The following THAP4 variants were observed in gnomAD, a reference collection of about 807,000 sequenced individuals.
THAP4 encodes THAP domain containing 4.
Under a neutral mutation model 48.1 loss-of-function variants are expected in THAP4, and 18 were observed. That is an observed-to-expected ratio of 0.37 (90% CI 0.26 to 0.56). THAP4 has a LOEUF of 0.56. Ranked by LOEUF, THAP4 falls within the 20% of genes least tolerant of loss-of-function variation. The pLI is 0.78. For missense variants in THAP4, 656 were observed against 774.9 expected (o/e 0.85, Z 1.82); for synonymous variants, 345 against 324.9 (o/e 1.06, Z -0.66).
chr2:241,589,702 A>AC (rs2066934207), intron 5 of THAP4, among the ~76,000 whole-genome samples: 1 of 151,898 alleles, frequency 6.6e-6, no homozygotes, highest in South Asian at 2.1e-4. Flanking sequence ...GAGGAAAAAA[A>AC]ACATGTGTCC....
At chr2:241,593,560 G>A (rs934248497) in intron 5 of THAP4, among the ~76,000 whole-genome samples, 7 of 146,730 alleles carry the variant, frequency 4.8e-5, no homozygotes, top group East Asian at 1.9e-4. Flanking sequence ...GGGGACAGGC[G>A]AACAGCCTGC....
At chr2:241,584,792 G>C in intron 5 of THAP4, 67 bp from the exon 6 acceptor site, 1 of 1,585,652 alleles carries the variant, frequency 6.3e-7, no homozygotes, top group African/African-American at 1.3e-5. Context: ...ATGCCTGTGC[G>C]CCCACTGCAT....
intron 5 of THAP4, among the ~76,000 whole-genome samples, chr2:241,598,524 C>T (rs927308497): frequency 6.6e-6 from 1 of 152,136 alleles, no homozygotes; most frequent in Non-Finnish European, 1.5e-5. Flanking sequence ...GACAATTTTT[C>T]CACAGCTGTG....
intron 1 of THAP4, among the ~76,000 whole-genome samples, chr2:241,634,425 C>T (rs2125101410): frequency 6.6e-6 from 1 of 152,316 alleles, no homozygotes; most frequent in African/African-American, 2.4e-5. Flanking sequence ...GAAATAGCTC[C>T]TAGAAGCTGA....
intron 2 of THAP4, among the ~76,000 whole-genome samples, chr2:241,609,022 G>A (rs1193073462): frequency 1.3e-5 from 2 of 152,244 alleles, no homozygotes; most frequent in African/African-American, 4.8e-5. Flanking sequence ...CGGAAGGGCC[G>A]TGACCTTGAC....
chr2:241,585,912 C>CAAAA (rs1175852721), intron 5 of THAP4, among the ~76,000 whole-genome samples: 10 of 28,274 alleles, frequency 3.5e-4, no homozygotes, highest in South Asian at 1.8e-3. Context: ...GACTCCTTCT[C>CAAAA]AAAAAAAAAA....
At position 241,634,006 on chromosome 2, in the gene THAP4, T is replaced by C; in HGVS notation, c.151A>G (p.Lys51Glu). 1 of 1,614,060 alleles carries C rather than the reference T, an allele frequency of 6.2e-7. No homozygotes were observed. Among genetic ancestry groups the C allele is most frequent in the Non-Finnish European group, 8.5e-7 (1 of 1,179,992 alleles). Residue 51 changes from lysine (K) to glutamate (E), a missense_variant, in exon 2 of 6, where the codon AAG becomes GAG. Lys to Glu is a moderately conservative substitution (Grantham distance 56). Around this residue, in one of 4 missense-constraint regions of THAP4, gnomAD observed 30 missense variants for 60.1 expected, o/e 0.50. Transcript: ENST00000407315. ...AVQRDNWTPT[K>E]YSFLCSEHFT... ...TGCTCACTACAGAGAAATGAATACT[T>C]AGTGGGAGTCCAGTTATCCCTCTGA...
At chr2:241,609,652 T>A (rs184700730) in intron 2 of THAP4, among the ~76,000 whole-genome samples, 2 of 152,074 alleles carry the variant, frequency 1.3e-5, no homozygotes, top group African/African-American at 2.4e-5. Context: ...CCGGGCGTGG[T>A]GGCACACGCC....
rs1168039264 is a variant in THAP4 at position 241,636,942 on chromosome 2, T to C, written c.76A>G (p.Arg26Gly). The C allele has an allele frequency of 3.1e-6, 4 of 1,281,426 alleles. No individual in the cohort carries two copies. Among genetic ancestry groups the C allele is most frequent in the Non-Finnish European group, 2.0e-6 (2 of 990,088 alleles). 79.4% of individuals were successfully genotyped at this position (1,281,426 alleles called of 1,614,324 possible). The change falls in exon 1 of 6, where the codon AGG (arginine) becomes GGG (glycine). Residue 26 changes from arginine (R) to glycine (G), a missense_variant and splice_region_variant. By Grantham distance (125) the Arg-to-Gly change is moderately radical. This residue lies in a region of THAP4 where 59 missense variants were observed against 45.8 expected (regional missense o/e 1.29). Coordinates refer to ENST00000407315, the MANE Select transcript of THAP4 (RefSeq NM_015963.6). ...KGEKRAVSFH[R>G]FPLKDSKRLI... ...CGTGGCGGCCCGGGGCCCGCGTACC[T>C]GTGGAAGGAGACGGCGCGCTTCTCG...
At chr2:241,585,755 A>T (rs1157930444) in intron 5 of THAP4, among the ~76,000 whole-genome samples, 1 of 151,746 alleles carries the variant, frequency 6.6e-6, no homozygotes, top group Non-Finnish European at 1.5e-5. Flanking sequence ...TCCATCTAGG[A>T]GGAGAGGCGC....
Position 241,610,702 on chromosome 2 carries a change from G to C in THAP4, c.1241-4229C>G, listed in dbSNP as rs950266341. On this transcript the variant is annotated intron_variant, in intron 2 of 5. Coordinates refer to ENST00000407315, the MANE Select transcript of THAP4 (RefSeq NM_015963.6). This position sits in a 1 kb window ranked among gnomAD's most constrained non-coding sequence, Gnocchi z 4.2. Reference sequence around the variant, plus strand: ...TCTTTCCCTCCCACCACCCACCGTGGAGTCCTCTCCGGGAGGCCCTGTCCT... The same window carrying C: ...TCTTTCCCTCCCACCACCCACCGTGCAGTCCTCTCCGGGAGGCCCTGTCCT... 1.3e-5 allele frequency among the ~76,000 whole-genome samples: 2 copies of C among 151,994 alleles called. No individual in the cohort carries two copies. Among genetic ancestry groups the C allele is most frequent in the African/African-American group, 2.4e-5 (1 of 41,388 alleles).
intron 1 of THAP4, among the ~76,000 whole-genome samples, chr2:241,636,401 G>A (rs139536005): frequency 0.14 from 20,731 of 152,284 alleles, 1,703 homozygotes; most frequent in East Asian, 0.34. Flanking sequence ...CACGTGGGAA[G>A]CGGCCGAGAG....
In THAP4 at chr2:241,633,765, G is replaced by C; in HGVS notation, c.392C>G (p.Ser131Trp). 1 of 1,613,250 alleles carries C rather than the reference G, an allele frequency of 6.2e-7. No individual in the cohort carries two copies. The change falls in exon 2 of 6, where the codon TCG becomes TGG. Residue 131 changes from serine (S) to tryptophan (W), a missense_variant. Ser to Trp is a radical substitution (Grantham distance 177). This residue lies in a region of THAP4 where 391 missense variants were observed against 412.4 expected (regional missense o/e 0.95). Transcript: ENST00000407315. This position sits in a 1 kb window ranked among gnomAD's most constrained non-coding sequence, Gnocchi z 7.5. Reference protein sequence around the residue: ...SRGAAGWSPSSSGNPMAKPES... With the variant: ...SRGAAGWSPSWSGNPMAKPES... ...TGGCTTGGCCATCGGGTTTCCACTC[G>C]AGGACGGTGACCAACCTGCAGCTCC...
chr2:241,627,701 A>G (rs2067510794), intron 2 of THAP4, among the ~76,000 whole-genome samples: 1 of 152,202 alleles, frequency 6.6e-6, no homozygotes, highest in Admixed American at 6.5e-5. Context: ...CACGGACAGC[A>G]AGAACCACAG....
chr2:241,588,429 T>G (rs1357470271), intron 5 of THAP4, among the ~76,000 whole-genome samples: 1 of 152,220 alleles, frequency 6.6e-6, no homozygotes, highest in African/African-American at 2.4e-5. Context: ...ACAAGCTGAT[T>G]CTGAAATTCA....
chr2:241,624,067 C>T (rs1285900953), intron 2 of THAP4, among the ~76,000 whole-genome samples: 1 of 152,210 alleles, frequency 6.6e-6, no homozygotes, highest in Non-Finnish European at 1.5e-5. Context: ...ACAGCCTCTG[C>T]CCCACCTGGC....
Position 241,606,870 on chromosome 2 carries a change from G to A in THAP4, c.1241-397C>T, listed in dbSNP as rs1049866299. ...AACCACATACTAACAGCTTCCTTGT[G>A]ACCCCAAATAGCTCAGGGGTCCTCC... On this transcript the variant is annotated intron_variant, in intron 2 of 5. Coordinates refer to ENST00000407315, the MANE Select transcript of THAP4 (RefSeq NM_015963.6). Among the ~76,000 whole-genome samples, 3 of 152,212 alleles carry A rather than the reference G, an allele frequency of 2.0e-5. No homozygotes were observed. In the South Asian group the frequency reaches 6.2e-4, roughly 32 times the overall value.
At position 241,633,199 on chromosome 2, in the gene THAP4, G is replaced by A. The variant is rs747464919; in HGVS notation, c.958C>T (p.His320Tyr). 1 of 1,609,040 alleles carries A rather than the reference G, an allele frequency of 6.2e-7. No homozygotes were observed. Among genetic ancestry groups the A allele is most frequent in the South Asian group, 1.1e-5 (1 of 90,752 alleles). ...ATGGACATGGGGCTGGCGTCGCTGT[G>A]CTCGCTCTGCACGGCTTCCGTGGCT... ...KPATEAVQSE[H>Y]SDASPMSINE... Residue 320 changes from histidine to tyrosine, a missense_variant, in exon 2 of 6, where the codon CAC (histidine) becomes TAC (tyrosine). His to Tyr is a moderately conservative substitution (Grantham distance 83). Transcript: ENST00000407315. This position sits in a 1 kb window ranked among gnomAD's most constrained non-coding sequence, Gnocchi z 7.5.
chr2:241,636,910 G>T (rs775588495), intron 1 of THAP4, 31 bp downstream of exon 1: 4 of 1,203,944 alleles, frequency 3.3e-6, no homozygotes, highest in Non-Finnish European at 4.2e-6. Context: ...CCGGGTCGGG[G>T]CGGGGGCGTG....
Sources: gnomAD v4.1 joint callset for allele counts (sites outside exome capture counted in the v4.1 genomes callset) on GRCh38, gnomAD v4.1.1 for gene constraint, gnomAD v4.1.1 regional missense constraint, Gnocchi (gnomAD v3.1) non-coding constraint, MANE v1.5 for transcripts, NCBI Gene and HGNC (gene_info 2026-07-23, HGNC 2026-07-21) for gene names.